RAD51B: variants seen among roughly 807,000 people sequenced by gnomAD.
The protein encoded by RAD51B is DNA repair protein RAD51 homolog 2.
A neutral mutation model predicts 42.2 loss-of-function variants in RAD51B; 38 were observed. The observed-to-expected ratio is 0.90, with a 90% CI of 0.70 to 1.18. RAD51B has a LOEUF of 1.18. RAD51B is among the 50% of genes most tolerant of loss of function. The probability of loss-of-function intolerance (pLI) is 0.00; values close to 1 mark genes in which losing one functional copy is unlikely to be tolerated. For missense variants in RAD51B, 373 were observed against 400.7 expected (o/e 0.93, Z 0.59); for synonymous variants, 154 against 145.2 (o/e 1.06, Z -0.43).
At chr14:68,044,313 CAG>C (rs2076264394) in intron 7 of RAD51B, among the ~76,000 whole-genome samples, 1 of 152,186 alleles carries the variant, frequency 6.6e-6, no homozygotes, top group Non-Finnish European at 1.5e-5. Flanking sequence ...AGGAGAAGGA[CAG>C]TGTGATAGAG....
At chr14:68,361,125 G>A (rs1000760531) in intron 8 of RAD51B, among the ~76,000 whole-genome samples, 1 of 152,180 alleles carries the variant, frequency 6.6e-6, no homozygotes, top group Non-Finnish European at 1.5e-5. Context: ...GGGGAGATGG[G>A]AGACAAGGAG....
intron 7 of RAD51B, among the ~76,000 whole-genome samples, chr14:68,116,346 T>TAA: frequency 7.4e-6 from 1 of 135,262 alleles, no homozygotes; most frequent in Non-Finnish European, 1.6e-5. Context: ...TTTAAAAGGT[T>TAA]AAAAAAAAAA....
chr14:68,064,648 C>A (rs1442783910), intron 7 of RAD51B, among the ~76,000 whole-genome samples: 2 of 151,242 alleles, frequency 1.3e-5, no homozygotes, highest in Admixed American at 1.3e-4. Flanking sequence ...TTTTTATTTC[C>A]TTTTCTTTTC....
intron 7 of RAD51B, among the ~76,000 whole-genome samples, chr14:68,137,434 A>C (rs571753125): frequency 2.6e-5 from 4 of 152,200 alleles, no homozygotes; most frequent in Non-Finnish European, 4.4e-5. Context: ...TTTAAAATCA[A>C]AGTGTTCTTT....
chr14:68,164,167 G>A (rs2140834537), intron 7 of RAD51B, among the ~76,000 whole-genome samples: 2 of 152,270 alleles, frequency 1.3e-5, no homozygotes, highest in Middle Eastern at 6.8e-3. Flanking sequence ...AGTAATTACA[G>A]AGCCCTTAAA....
chr14:68,494,739 G>C (rs1284815108), intron 10 of RAD51B, among the ~76,000 whole-genome samples: 2 of 152,106 alleles, frequency 1.3e-5, no homozygotes, highest in Non-Finnish European at 2.9e-5. Flanking sequence ...TCGGACTATA[G>C]CCTCCCAAGA....
intron 10 of RAD51B, among the ~76,000 whole-genome samples, chr14:68,639,861 C>T (rs367762349): frequency 6.6e-5 from 10 of 152,128 alleles, no homozygotes; most frequent in Admixed American, 5.9e-4. Flanking sequence ...GCAATCTCGG[C>T]TCACTGCTGC....
chr14:68,308,754 C>T (rs998025878), intron 8 of RAD51B, among the ~76,000 whole-genome samples: 6 of 149,876 alleles, frequency 4.0e-5, no homozygotes, highest in Non-Finnish European at 7.4e-5. Flanking sequence ...TTGCTACACC[C>T]GTAGGCATTT....
At chr14:68,220,358 T>A (rs2079899996) in intron 7 of RAD51B, among the ~76,000 whole-genome samples, 1 of 152,100 alleles carries the variant, frequency 6.6e-6, no homozygotes. Flanking sequence ...GAAATAAAAT[T>A]AAAAATCACA....
At chr14:67,942,243 G>A (rs556221713) in intron 7 of RAD51B, among the ~76,000 whole-genome samples, 1 of 152,248 alleles carries the variant, frequency 6.6e-6, no homozygotes, top group Non-Finnish European at 1.5e-5. Context: ...CTAACTAGGA[G>A]CTGCTTCTCT....
intron 7 of RAD51B, among the ~76,000 whole-genome samples, chr14:68,131,004 G>C (rs2077879853): frequency 6.6e-6 from 1 of 152,100 alleles, no homozygotes; most frequent in Non-Finnish European, 1.5e-5. Context: ...TTATACAAAT[G>C]TATTTAGCTA....
At chr14:68,041,528 A>G (rs1257361489) in intron 7 of RAD51B, among the ~76,000 whole-genome samples, 2 of 151,308 alleles carry the variant, frequency 1.3e-5, no homozygotes, top group East Asian at 3.9e-4. Context: ...TAATTGGAGT[A>G]CCAGGACTAG....
At chr14:68,498,544 A>T (rs952461254) in intron 10 of RAD51B, among the ~76,000 whole-genome samples, 1 of 152,168 alleles carries the variant, frequency 6.6e-6, no homozygotes, top group Non-Finnish European at 1.5e-5. Flanking sequence ...CAGAGCTCCC[A>T]GATTTGTGCA....
intron 10 of RAD51B, among the ~76,000 whole-genome samples, chr14:68,617,309 G>A (rs1595030533): frequency 6.6e-6 from 1 of 152,014 alleles, no homozygotes; most frequent in Non-Finnish European, 1.5e-5. Context: ...TTTATTCTAG[G>A]GATAGTTCAG....
intron 9 of RAD51B, among the ~76,000 whole-genome samples, chr14:68,458,052 T>A (rs2085748768): frequency 1.3e-5 from 2 of 151,828 alleles, no homozygotes; most frequent in South Asian, 2.1e-4. Flanking sequence ...GAGAAAAGTG[T>A]ACTGATGTTT....
intron 7 of RAD51B, among the ~76,000 whole-genome samples, chr14:68,079,545 T>C (rs913719765): frequency 3.3e-5 from 5 of 152,214 alleles, no homozygotes; most frequent in South Asian, 2.1e-4. Flanking sequence ...AGTTGTAGTA[T>C]ATAATATTAC....
intron 10 of RAD51B, among the ~76,000 whole-genome samples, chr14:68,527,258 CA>C (rs1886993686): frequency 6.6e-6 from 1 of 152,074 alleles, no homozygotes; most frequent in South Asian, 2.1e-4. Flanking sequence ...GTTTGAATTA[CA>C]GTATTTTTCA....
chr14:68,094,516 A>G (rs899790773), intron 7 of RAD51B, among the ~76,000 whole-genome samples: 1 of 152,250 alleles, frequency 6.6e-6, no homozygotes, highest in African/African-American at 2.4e-5. Flanking sequence ...ATATATGTAA[A>G]ACAACACTTA....
At chr14:68,581,910 G>T (rs573978879) in intron 10 of RAD51B, among the ~76,000 whole-genome samples, 51 of 152,246 alleles carry the variant, frequency 3.3e-4, no homozygotes, top group South Asian at 1.2e-3. Context: ...AATGGGGAAA[G>T]GATTCCCTAT....
Sources: gnomAD v4.1 joint callset for allele counts (sites outside exome capture counted in the v4.1 genomes callset) on GRCh38, gnomAD v4.1.1 for gene constraint, MANE v1.5 for transcripts, NCBI Gene and HGNC (gene_info 2026-07-23, HGNC 2026-07-21) for gene names.